The following MORC2 variants were observed in gnomAD, a reference collection of about 807,000 sequenced individuals.
MORC2 encodes the protein MORC family CW-type zinc finger 2.
A neutral mutation model predicts 136.0 loss-of-function variants in MORC2; 30 were observed. The observed-to-expected ratio is 0.22, with a 90% confidence interval of 0.17 to 0.30. The LOEUF (loss-of-function observed/expected upper bound fraction) is 0.30. MORC2 is among the 10% of genes least tolerant of loss of function. MORC2 has a pLI of 1.00. For synonymous variants in MORC2, 439 were observed against 487.0 expected (o/e 0.90, Z 1.30); for missense variants, 922 against 1,333.1 (o/e 0.69, Z 4.80).
At chr22:30,961,441 A>C (rs1181250688) in intron 1 of MORC2, among the ~76,000 whole-genome samples, 1 of 152,210 alleles carries the variant, frequency 6.6e-6, no homozygotes, top group Non-Finnish European at 1.5e-5. Flanking sequence ...CCTATCAAAC[A>C]TATAAGTGAC....
chr22:30,948,879 A>G (rs891417723), intron 5 of MORC2, among the ~76,000 whole-genome samples: 5 of 152,312 alleles, frequency 3.3e-5, no homozygotes, highest in African/African-American at 1.2e-4. Flanking sequence ...CTGAAAGACA[A>G]ATCACAAAGT....
chr22:30,955,207 C>T (rs149289354), intron 3 of MORC2, among the ~76,000 whole-genome samples: 1 of 152,122 alleles, frequency 6.6e-6, no homozygotes, highest in Admixed American at 6.5e-5. Context: ...GTCCGCCTGC[C>T]TCGGCTTCCC....
rs369748846 is a variant in MORC2, at chr22:30,952,746, T to G, written c.158-2301A>C. 2.4e-4 allele frequency among the ~76,000 whole-genome samples: 36 copies of G among 152,322 alleles called. No homozygotes were observed. In the South Asian group the frequency reaches 7.2e-3, roughly 31 times the overall value. On this transcript the variant is annotated intron_variant, in intron 3 of 25. Coordinates refer to ENST00000397641, the MANE Select transcript of MORC2 (RefSeq NM_001303256.3). ...TGTTTATTTAATGACTACTTAGTGA[T>G]CAGCTCTTCTGTGCCTGGTTATGAT...
At chr22:30,943,179 T>C (rs1244918023) in intron 6 of MORC2, among the ~76,000 whole-genome samples, 1 of 152,098 alleles carries the variant, frequency 6.6e-6, no homozygotes, top group East Asian at 1.9e-4. Context: ...ATACCTACAG[T>C]AAGAGTCCAT....
rs2040470453 is a variant in MORC2, at chr22:30,925,517, C to T, written c.*1286G>A. On this transcript the variant is annotated 3_prime_UTR_variant, in exon 26 of 26. Transcript: ENST00000397641. ...TCCCTCACCTCTGCTTCCCAGTCTT[C>T]TGCTGACCTCAGAGGAGCAGGGTGG... 6.4e-6 allele frequency: 1 copy of T among 156,890 alleles called. No individual in the cohort carries two copies. Among genetic ancestry groups the T allele is most frequent in the Non-Finnish European group, 1.4e-5 (1 of 70,288 alleles). The allele number at this position is 156,890 out of a possible 1,614,324, so 9.7% of individuals were successfully genotyped here. A position where few individuals can be genotyped will look rare whatever the true frequency, so the allele number is the denominator to read the frequency against.
chr22:30,963,796 C>T (rs2041084932), intron 1 of MORC2, among the ~76,000 whole-genome samples: 1 of 152,082 alleles, frequency 6.6e-6, no homozygotes, highest in Non-Finnish European at 1.5e-5. Flanking sequence ...AAATGGTCTC[C>T]CTATTTACAT....
intron 1 of MORC2, chr22:30,963,125 G>A (rs1161371978): frequency 2.4e-5 from 4 of 166,274 alleles, no homozygotes; most frequent in East Asian, 1.9e-4. Context: ...ACAGGAGCCC[G>A]CAGCCACGCC....
intron 11 of MORC2, 106 bp downstream of exon 11, chr22:30,939,853 C>T: frequency 7.3e-7 from 1 of 1,365,250 alleles, no homozygotes; most frequent in Non-Finnish European, 1.0e-6. Context: ...AAACAGCCCT[C>T]ACTGGGGACA....
chr22:30,966,919 T>C (rs539800937), intron 1 of MORC2: 2 of 180,028 alleles, frequency 1.1e-5, no homozygotes, highest in African/African-American at 2.4e-5. Flanking sequence ...AAACATGTTG[T>C]CTTCTCCATC....
Position 30,934,017 on chromosome 22 carries a change from C to T in MORC2, c.2325+43G>A. ...GCAGACTGCTGGTGGGGGCTGCAGG[C>T]CCTAGAGAGAGAGGCTTTGAGAACC... On this transcript the variant is annotated intron_variant, in intron 20 of 25. Transcript: ENST00000397641. The surrounding 1 kb of genome is among the most constrained non-coding windows in gnomAD (Gnocchi z 4.4). 6.2e-7 allele frequency: 1 copy of T among 1,611,552 alleles called. No homozygotes were observed. The highest frequency in any genetic ancestry group is 8.5e-7 in the Non-Finnish European group (1 of 1,178,574).
chr22:30,957,354 T>A (rs2040981774), intron 2 of MORC2, among the ~76,000 whole-genome samples: 1 of 152,174 alleles, frequency 6.6e-6, no homozygotes, highest in African/African-American at 2.4e-5. Flanking sequence ...CCTGCCCCAT[T>A]AGACTCCAAC....
chr22:30,960,413 A>G (rs2041026121), intron 1 of MORC2, among the ~76,000 whole-genome samples: 1 of 152,208 alleles, frequency 6.6e-6, no homozygotes, highest in Admixed American at 6.5e-5. Flanking sequence ...TCATCAATTT[A>G]CCTAGGAAAT....
chr22:30,941,706 G>C lies in MORC2; in HGVS notation c.699-148C>G. The C allele has an allele frequency of 2.3e-6, 3 of 1,283,066 alleles. No homozygotes were observed. The highest frequency in any genetic ancestry group is 3.2e-6 in the Non-Finnish European group (3 of 936,092). 79.5% of individuals were successfully genotyped at this position (1,283,066 alleles called of 1,614,324 possible). A position where few individuals can be genotyped will look rare whatever the true frequency, so the allele number is the denominator to read the frequency against. ...CTGAACTGGTGCTCCCTTAGTGTGAGCACCACATCCCGCCCCTCTCACGTC... is the reference window on the plus strand; with the variant it reads ...CTGAACTGGTGCTCCCTTAGTGTGACCACCACATCCCGCCCCTCTCACGTC... On this transcript the variant is annotated intron_variant, in intron 8 of 25. Coordinates refer to ENST00000397641, the MANE Select transcript of MORC2 (RefSeq NM_001303256.3). This position sits in a 1 kb window ranked among gnomAD's most constrained non-coding sequence, Gnocchi z 4.6.
At chr22:30,930,304 C>T (rs2040555099) in intron 24 of MORC2, among the ~76,000 whole-genome samples, 1 of 152,234 alleles carries the variant, frequency 6.6e-6, no homozygotes, top group Admixed American at 6.5e-5. Context: ...GCCAGGCCAA[C>T]CTAGCCACCC....
intron 17 of MORC2, 132 bp downstream of exon 17, chr22:30,936,379 A>C: frequency 7.9e-7 from 1 of 1,269,406 alleles, no homozygotes; most frequent in Non-Finnish European, 1.1e-6. Context: ...GGGGTTGGAA[A>C]GCTTTGGCAA....
rs574458356 is a variant in MORC2, at chr22:30,933,973, TAGACTGCTGATGGGGGGTGC to T, written c.2325+67_2325+86del. 0.023 allele frequency: 34,668 copies of T among 1,537,400 alleles called. 470 individuals are homozygous for T. Among genetic ancestry groups the T allele is most frequent in the Non-Finnish European group, 0.026 (29,767 of 1,126,596 alleles). On this transcript the variant is annotated intron_variant, in intron 20 of 25. Transcript: ENST00000397641. Reference sequence around the variant, plus strand: ...TTGTGTAGACTGCTGGTGGATGGTATAGACTGCTGATGGGGGGTGCAGACTGCTGGTGGGGGCTGCAGGCC... The same window carrying T: ...TTGTGTAGACTGCTGGTGGATGGTATAGACTGCTGGTGGGGGCTGCAGGCC...
Position 30,937,753 on chromosome 22 carries a change from C to G in MORC2, c.1370-42G>C, listed in dbSNP as rs1256545505. The stretch of plus-strand genomic sequence containing the variant: ...GATACATCATGTTAGGAGCCAGCCT[C>G]TCTCTCTCCCTACATTCAGGTGAAG... On this transcript the variant is annotated intron_variant, in intron 14 of 25. Coordinates refer to ENST00000397641, the MANE Select transcript of MORC2 (RefSeq NM_001303256.3). The surrounding 1 kb of genome is among the most constrained non-coding windows in gnomAD (Gnocchi z 4.7). The G allele has an allele frequency of 6.2e-7, 1 of 1,614,038 alleles. No homozygotes were observed. Among genetic ancestry groups the G allele is most frequent in the African/African-American group, 1.3e-5 (1 of 75,030 alleles).
At chr22:30,951,262 C>G (rs2147288814) in intron 3 of MORC2, among the ~76,000 whole-genome samples, 1 of 152,356 alleles carries the variant, frequency 6.6e-6, no homozygotes, top group African/African-American at 2.4e-5. Context: ...CGTCTTCTCT[C>G]AGCAGTTGTC....
At chr22:30,927,707 A>C (rs2040509226) in intron 25 of MORC2, among the ~76,000 whole-genome samples, 1 of 152,160 alleles carries the variant, frequency 6.6e-6, no homozygotes, top group African/African-American at 2.4e-5. Flanking sequence ...GGTGCTCCCC[A>C]CTTCTGGGCT....
Sources: allele counts gnomAD v4.1 joint callset (sites outside exome capture counted in the v4.1 genomes callset), GRCh38; gene constraint gnomAD v4.1.1; non-coding constraint Gnocchi (gnomAD v3.1); transcripts MANE v1.5; gene names NCBI Gene and HGNC (gene_info 2026-07-23, HGNC 2026-07-21).